The following RBMS3 variants were observed in gnomAD, a reference collection of about 807,000 sequenced individuals.
The protein encoded by RBMS3 is RNA binding motif single stranded interacting protein 3, also known as RNA-binding motif, single-stranded-interacting protein 3.
In RBMS3, 27 loss-of-function variants were observed where a neutral mutation model predicts 66.8. That is an observed-to-expected ratio of 0.40 (90% CI 0.30 to 0.56). RBMS3 has a LOEUF of 0.56. Among genes scored for constraint, RBMS3 ranks in the 20% least tolerant of loss-of-function variants. RBMS3 has a pLI of 0.40. For synonymous variants in RBMS3, 188 were observed against 183.0 expected (o/e 1.03, Z -0.22); for missense variants, 513 against 549.5 (o/e 0.93, Z 0.66).
chr3:29,779,167 A>G (rs1236501614), intron 6 of RBMS3, among the ~76,000 whole-genome samples: 2 of 151,808 alleles, frequency 1.3e-5, no homozygotes, highest in Non-Finnish European at 3.0e-5. Context: ...GATTTTTAAT[A>G]AGTGGTTCTT....
chr3:29,647,731 G>A (rs1351179753), intron 4 of RBMS3, among the ~76,000 whole-genome samples: 2 of 152,116 alleles, frequency 1.3e-5, no homozygotes, highest in Non-Finnish European at 2.9e-5. Context: ...GGATTTCATA[G>A]CACTCTGATA....
At chr3:29,948,804 T>C (rs1339230528) in intron 12 of RBMS3, among the ~76,000 whole-genome samples, 1 of 151,838 alleles carries the variant, frequency 6.6e-6, no homozygotes, top group Non-Finnish European at 1.5e-5. Flanking sequence ...GCTTTACTTA[T>C]TCTTCATTTA....
intron 6 of RBMS3, among the ~76,000 whole-genome samples, chr3:29,763,394 C>A (rs978057356): frequency 3.9e-5 from 6 of 151,998 alleles, no homozygotes; most frequent in Non-Finnish European, 8.8e-5. Flanking sequence ...CAGTCCATGA[C>A]AAGAAAAGCA....
At chr3:29,866,090 A>AAAAAAC (rs1165722218) in intron 6 of RBMS3, among the ~76,000 whole-genome samples, 1 of 151,610 alleles carries the variant, frequency 6.6e-6, no homozygotes, top group African/African-American at 2.4e-5. Context: ...AAAAAAAAAA[A>AAAAAAC]AAAAAAAAAT....
chr3:29,572,387 A>G (rs962231040), intron 3 of RBMS3, among the ~76,000 whole-genome samples: 3 of 152,142 alleles, frequency 2.0e-5, no homozygotes, highest in South Asian at 2.1e-4. Context: ...CATTCAGTAT[A>G]ATACTAGTCA....
chr3:29,847,656 T>A (rs910268858), intron 6 of RBMS3, among the ~76,000 whole-genome samples: 19 of 152,142 alleles, frequency 1.2e-4, no homozygotes, highest in Admixed American at 9.8e-4. Flanking sequence ...TTTTTTTTTT[T>A]TTATTTTTTA....
intron 2 of RBMS3, among the ~76,000 whole-genome samples, chr3:29,446,526 G>A (rs1056692192): frequency 6.6e-6 from 1 of 151,978 alleles, no homozygotes; most frequent in African/African-American, 2.4e-5. Context: ...TTTACAATAT[G>A]AATATTCATG....
intron 4 of RBMS3, among the ~76,000 whole-genome samples, chr3:29,629,522 T>TA (rs1214879292): frequency 6.6e-6 from 1 of 152,106 alleles, no homozygotes; most frequent in African/African-American, 2.4e-5. Context: ...CTAAAATTGG[T>TA]AAAAATGTTA....
chr3:29,794,034 C>G (rs2057097099), intron 6 of RBMS3, among the ~76,000 whole-genome samples: 1 of 152,158 alleles, frequency 6.6e-6, no homozygotes, highest in South Asian at 2.1e-4. Context: ...GCCTGCTTCC[C>G]CTTCGTCTTC....
chr3:29,283,166 C>T (rs958365727), intron 1 of RBMS3, among the ~76,000 whole-genome samples: 1 of 152,118 alleles, frequency 6.6e-6, no homozygotes, highest in African/African-American at 2.4e-5. Context: ...AGTCATTTCT[C>T]ATGCCTCAAC....
At chr3:29,691,172 A>G (rs570157916) in intron 4 of RBMS3, among the ~76,000 whole-genome samples, 2 of 152,320 alleles carry the variant, frequency 1.3e-5, no homozygotes, top group South Asian at 4.1e-4. Flanking sequence ...TCTTGTATTG[A>G]CACTTTCATC....
chr3:29,548,445 C>T (rs982592003), intron 3 of RBMS3, among the ~76,000 whole-genome samples: 2 of 125,530 alleles, frequency 1.6e-5, no homozygotes, highest in Non-Finnish European at 3.7e-5. Flanking sequence ...AACAAACAAA[C>T]AAACAAAAAA....
chr3:29,375,258 G>C (rs1235203885), intron 1 of RBMS3, among the ~76,000 whole-genome samples: 1 of 152,118 alleles, frequency 6.6e-6, no homozygotes, highest in Non-Finnish European at 1.5e-5. Flanking sequence ...AAAAATCCTA[G>C]AAGAAAATCT....
intron 6 of RBMS3, among the ~76,000 whole-genome samples, chr3:29,863,010 C>A (rs2059257474): frequency 6.6e-6 from 1 of 151,956 alleles, no homozygotes; most frequent in African/African-American, 2.4e-5. Context: ...TACCTAAGAA[C>A]AAGACGATTA....
At chr3:29,648,740 TA>T (rs1418718612) in intron 4 of RBMS3, among the ~76,000 whole-genome samples, 3 of 151,982 alleles carry the variant, frequency 2.0e-5, no homozygotes, top group Admixed American at 2.0e-4. Flanking sequence ...CATGTCCAAA[TA>T]TTTTTTTATT....
In RBMS3 at chr3:29,988,183, C is replaced by T. The variant is rs771011441; in HGVS notation, c.1139C>T (p.Pro380Leu). 5.6e-6 allele frequency: 9 copies of T among 1,613,242 alleles called. No individual in the cohort carries two copies. The highest frequency in any genetic ancestry group is 7.6e-6 in the Non-Finnish European group (9 of 1,179,446). The change falls in exon 13 of 15, where the codon CCT becomes CTT. Residue 380 changes from proline to leucine, a missense_variant. Coordinates refer to ENST00000383767, the MANE Select transcript of RBMS3 (RefSeq NM_001003793.3). ...GCTCCTATGCAAGGGACCTACATTCCTCAGTACACGCCTGTGCCTCCGACA... is the reference window on the plus strand; with the variant it reads ...GCTCCTATGCAAGGGACCTACATTCTTCAGTACACGCCTGTGCCTCCGACA... ...AAAPMQGTYI[P>L]QYTPVPPTAV... is the part of the protein sequence containing the mutation.
chr3:29,918,749 C>T (rs751649933), intron 10 of RBMS3, among the ~76,000 whole-genome samples: 8 of 152,072 alleles, frequency 5.3e-5, no homozygotes, highest in African/African-American at 1.2e-4. Flanking sequence ...AATTTCTACA[C>T]GTAAGATAGT....
chr3:29,700,870 G>GCC (rs34368912), intron 4 of RBMS3, among the ~76,000 whole-genome samples: 1 of 146,804 alleles, frequency 6.8e-6, no homozygotes, highest in African/African-American at 2.7e-5. Context: ...ATGTGTGTGT[G>GCC]TTCGTGTGCA....
At chr3:29,726,816 T>C (rs2053898841) in intron 4 of RBMS3, among the ~76,000 whole-genome samples, 1 of 152,212 alleles carries the variant, frequency 6.6e-6, no homozygotes, top group Admixed American at 6.5e-5. Flanking sequence ...TTCAATGCTA[T>C]TCCTGTTAAG....
Sources: allele counts gnomAD v4.1 joint callset (sites outside exome capture counted in the v4.1 genomes callset), GRCh38; gene constraint gnomAD v4.1.1; transcripts MANE v1.5; gene names NCBI Gene and HGNC (gene_info 2026-07-23, HGNC 2026-07-21).